The following POLR3A variants were observed in gnomAD, a reference collection of about 807,000 sequenced individuals.
POLR3A encodes RNA polymerase III subunit A, also known as DNA-directed RNA polymerase III subunit RPC1.
In POLR3A, 112 loss-of-function variants were observed where a neutral mutation model predicts 152.8. That is an observed-to-expected ratio of 0.73 (90% CI 0.63 to 0.86). The LOEUF (loss-of-function observed/expected upper bound fraction) is 0.86. Ranked by LOEUF, POLR3A falls within the 40% of genes least tolerant of loss-of-function variation. The pLI, the probability that POLR3A is intolerant of heterozygous loss-of-function variation, is 0.00. For missense variants in POLR3A, 1,385 were observed against 1,743.1 expected (o/e 0.79, Z 3.66); for synonymous variants, 615 against 652.1 (o/e 0.94, Z 0.87).
chr10:77,998,000 A>G (rs1209925242), intron 19 of POLR3A, among the ~76,000 whole-genome samples: 4 of 152,292 alleles, frequency 2.6e-5, no homozygotes, highest in East Asian at 3.9e-4. Flanking sequence ...ATAATGCCGC[A>G]TATCTACAAC....
rs770507816 is a variant in POLR3A at position 78,022,394 on chromosome 10, C to T, written c.646-10G>A. On this transcript the variant is annotated splice_polypyrimidine_tract_variant and intron_variant, in intron 5 of 30. Coordinates refer to ENST00000372371, the MANE Select transcript of POLR3A (RefSeq NM_007055.4). ...AGGGATTCAAGTTTTCCTATGGAAA[C>T]GAAGAAAGGCAGAAATGGAGATACT... 16 of 1,612,754 alleles carry T rather than the reference C, an allele frequency of 9.9e-6. No individual in the cohort carries two copies. The highest frequency in any genetic ancestry group is 4.4e-5 in the South Asian group (4 of 91,076).
Position 78,029,425 on chromosome 10 carries a change from C to T in POLR3A, c.-18G>A, listed in dbSNP as rs1379895108. The T allele has an allele frequency of 1.9e-6, 3 of 1,613,794 alleles. No homozygotes were observed. The Admixed American group carries it at 5.0e-5, about 27-fold the overall frequency. ...TTCACCATGATGACCGCTGCCGGGA[C>T]GCCTCCTTGGCACTCGGGAGGCCAG... On this transcript the variant is annotated 5_prime_UTR_variant, in exon 1 of 31. Transcript: ENST00000372371.
At chr10:77,980,376 G>A (rs1847129258) in intron 29 of POLR3A, 103 bp from the exon 30 acceptor site, 2 of 1,128,044 alleles carry the variant, frequency 1.8e-6, no homozygotes, top group Non-Finnish European at 1.3e-6. Flanking sequence ...AATCCTCCAA[G>A]ACCCAACGTC....
At chr10:77,994,361 T>G (rs1847278127) in intron 19 of POLR3A, among the ~76,000 whole-genome samples, 1 of 152,148 alleles carries the variant, frequency 6.6e-6, no homozygotes, top group Admixed American at 6.6e-5. Context: ...CTGGTTTATC[T>G]ACCCTGGTTT....
At position 78,009,944 on chromosome 10, in the gene POLR3A, C is replaced by A. The variant is rs762330646; in HGVS notation, c.1690G>T (p.Ala564Ser). Residue 564 changes from alanine (A) to serine (S), a missense_variant, in exon 13 of 31, where the codon GCT becomes TCT. By Grantham distance (99) the Ala-to-Ser change is moderately conservative (BLOSUM62 1). Transcript: ENST00000372371. The stretch of plus-strand genomic sequence containing the variant: ...AGTATTGAAGCAATGATTTGGCAAG[C>A]CTTGGCTCGATCAAAGAAAGTGTCC... ...LKDTFFDRAK[A>S]CQIIASILVG... is the part of the protein sequence containing the mutation. The A allele has an allele frequency of 5.0e-6, 8 of 1,614,168 alleles. No homozygotes were observed. The highest frequency in any genetic ancestry group is 6.8e-6 in the Non-Finnish European group (8 of 1,180,034).
chr10:77,977,660 C>G (rs995375821), intron 30 of POLR3A, 34 bp from the exon 31 acceptor site: 7 of 1,586,806 alleles, frequency 4.4e-6, no homozygotes, highest in South Asian at 1.1e-5. Flanking sequence ...CAGAGAGCCT[C>G]TAAACACAAG....
rs775148388 is a variant in POLR3A at position 78,025,756 on chromosome 10, T to C, written c.184A>G (p.Thr62Ala). The C allele has an allele frequency of 1.9e-6, 3 of 1,614,126 alleles. No individual in the cohort carries two copies. Among genetic ancestry groups the C allele is most frequent in the Non-Finnish European group, 2.5e-6 (3 of 1,179,954 alleles). ...TCACATGGACGATCCTTCTCACTCG[T>C]ACCCTTTGAAAAAAAGCACACCCAA... ...LYGVLDHRMG[T>A]SEKDRPCETC... Residue 62 changes from threonine to alanine, a missense_variant, in exon 3 of 31, where the codon ACG becomes GCG. Transcript: ENST00000372371.
intron 21 of POLR3A, among the ~76,000 whole-genome samples, chr10:77,989,812 G>T (rs1438694265): frequency 6.6e-6 from 1 of 152,006 alleles, no homozygotes; most frequent in Non-Finnish European, 1.5e-5. Flanking sequence ...ACATGAGCGT[G>T]AAGAAAAACC....
At chr10:78,014,916 G>A (rs990036691) in intron 10 of POLR3A, among the ~76,000 whole-genome samples, 5 of 152,098 alleles carry the variant, frequency 3.3e-5, no homozygotes, top group Non-Finnish European at 7.4e-5. Flanking sequence ...TTAAAGGAAC[G>A]ATAGATTCAA....
rs1345122906 is a variant in POLR3A, at chr10:78,024,620, T to C, written c.574A>G (p.Asn192Asp). The C allele has an allele frequency of 1.9e-6, 3 of 1,614,006 alleles. No individual in the cohort carries two copies. The highest frequency in any genetic ancestry group is 2.2e-5 in the East Asian group (1 of 44,886). Residue 192 changes from asparagine (N) to aspartate (D), a missense_variant, in exon 5 of 31, where the codon AAT becomes GAT. Around this residue, in one of 7 missense-constraint regions of POLR3A, gnomAD observed 493 missense variants for 647.5 expected, o/e 0.76. Transcript: ENST00000372371. ...GCTGTTTCAAAAGACTGAAGGAAAT[T>C]TGATACAATGGGATCCACCACTTTT... ...NKKVVDPIVS[N>D]FLQSFETAIE...
chr10:77,992,047 G>A (rs553289367), intron 20 of POLR3A, among the ~76,000 whole-genome samples: 1 of 152,262 alleles, frequency 6.6e-6, no homozygotes, highest in South Asian at 2.1e-4. Context: ...AAAGGGACAC[G>A]TATTTAAAAC....
intron 14 of POLR3A, among the ~76,000 whole-genome samples, chr10:78,008,154 C>A (rs988186436): frequency 2.6e-5 from 4 of 152,266 alleles, no homozygotes; most frequent in African/African-American, 9.6e-5. Flanking sequence ...GTATCAAGCA[C>A]TTGTCATCTT....
Position 77,976,460 on chromosome 10 carries a change from C to T in POLR3A, c.*1018G>A, listed in dbSNP as rs761102062. On this transcript the variant is annotated 3_prime_UTR_variant, in exon 31 of 31. Transcript: ENST00000372371. ...TACAAATTTTAATAGAATTTTAAACCCAACCACTGGCCAAAAATCACTCGG... is the reference window on the plus strand; with the variant it reads ...TACAAATTTTAATAGAATTTTAAACTCAACCACTGGCCAAAAATCACTCGG... 6.6e-6 allele frequency: 1 copy of T among 152,180 alleles called. No individual in the cohort carries two copies. Among genetic ancestry groups the T allele is most frequent in the Non-Finnish European group, 1.5e-5 (1 of 68,100 alleles). 9.4% of individuals were successfully genotyped at this position (152,180 alleles called of 1,614,324 possible).
At position 78,014,818 on chromosome 10, in the gene POLR3A, T is replaced by C. The variant is rs149966326; in HGVS notation, c.1432-1028A>G. Among the ~76,000 whole-genome samples the C allele has an allele frequency of 7.6e-4, 116 of 152,316 alleles. 1 individual carries two copies. The East Asian group carries it at 0.015, about 20-fold the overall frequency. On this transcript the variant is annotated intron_variant, in intron 10 of 30. Transcript: ENST00000372371. The stretch of plus-strand genomic sequence containing the variant: ...AAAGACTTAACCATTTACACAGCCT[T>C]TGCTTTATGAGCTGCACCTCTGGGC...
intron 1 of POLR3A, among the ~76,000 whole-genome samples, chr10:78,028,646 A>C (rs2131963673): frequency 6.6e-6 from 1 of 152,012 alleles, no homozygotes; most frequent in Non-Finnish European, 1.5e-5. Flanking sequence ...TGGGACCACA[A>C]GGGCGCGCCA....
intron 21 of POLR3A, 144 bp downstream of exon 21, chr10:77,990,910 G>A: frequency 3.0e-6 from 2 of 661,734 alleles, no homozygotes; most frequent in Non-Finnish European, 5.5e-6. Flanking sequence ...CACCATGCCT[G>A]GCCCATTCTT....
At position 78,021,697 on chromosome 10, in the gene POLR3A, A is replaced by G; in HGVS notation, c.1049-15T>C. Reference sequence around the variant, plus strand: ...TCTAAATCGACCTAAATAGCCAAAAACATGTCATAGGTCCCCATGGCATAC... The same window carrying G: ...TCTAAATCGACCTAAATAGCCAAAAGCATGTCATAGGTCCCCATGGCATAC... On this transcript the variant is annotated splice_polypyrimidine_tract_variant and intron_variant, in intron 7 of 30. Transcript: ENST00000372371. 6.2e-7 allele frequency: 1 copy of G among 1,614,038 alleles called. No individual in the cohort carries two copies. The highest frequency in any genetic ancestry group is 8.5e-7 in the Non-Finnish European group (1 of 1,179,988).
At chr10:78,012,368 C>T (rs1968356) in intron 11 of POLR3A, among the ~76,000 whole-genome samples, 1 of 138,234 alleles carries the variant, frequency 7.2e-6, no homozygotes, top group Non-Finnish European at 1.6e-5. Flanking sequence ...CCGTCTCAAA[C>T]AAACAAACAA....
intron 12 of POLR3A, among the ~76,000 whole-genome samples, 197 bp downstream of exon 12, chr10:78,010,274 A>T (rs1277135989): frequency 6.6e-6 from 1 of 151,818 alleles, no homozygotes; most frequent in Non-Finnish European, 1.5e-5. Flanking sequence ...TTGCTGAATT[A>T]ATGAATAACC....
Sources: gnomAD v4.1 joint callset for allele counts (sites outside exome capture counted in the v4.1 genomes callset) on GRCh38, gnomAD v4.1.1 for gene constraint, gnomAD v4.1.1 regional missense constraint, MANE v1.5 for transcripts, NCBI Gene and HGNC (gene_info 2026-07-23, HGNC 2026-07-21) for gene names.